ABHD12B: variants seen among roughly 807,000 people sequenced by gnomAD.
ABHD12B encodes the protein abhydrolase domain containing 12B.
In ABHD12B, 42 loss-of-function variants were observed where a neutral mutation model predicts 50.4. The ratio of observed to expected loss-of-function variants is 0.83; its 90% CI spans 0.65 to 1.08. ABHD12B has a LOEUF of 1.08. Ranked by LOEUF, ABHD12B falls within the 50% of genes least tolerant of loss-of-function variation. The pLI is 0.00. For missense variants in ABHD12B, 479 were observed against 447.7 expected (o/e 1.07, Z -0.63); for synonymous variants, 167 against 160.3 (o/e 1.04, Z -0.32).
chr14:50,881,733 T>A (rs1017286340), intron 5 of ABHD12B, 107 bp downstream of exon 5: 6 of 1,372,834 alleles, frequency 4.4e-6, no homozygotes, highest in Non-Finnish European at 6.2e-6. Context: ...GTCTCCAGGG[T>A]ACTGGTCAGG....
intron 7 of ABHD12B, among the ~76,000 whole-genome samples, chr14:50,886,271 T>C (rs569407882): frequency 2.0e-5 from 3 of 151,780 alleles, no homozygotes; most frequent in African/African-American, 7.2e-5. Flanking sequence ...AACCCCATCT[T>C]TACTAAAAAT....
In ABHD12B at chr14:50,885,760, T is replaced by C. The variant is rs752211275; in HGVS notation, c.533-6T>C. 3.7e-6 allele frequency: 6 copies of C among 1,614,076 alleles called. No homozygotes were observed. The highest frequency in any genetic ancestry group is 5.1e-6 in the Non-Finnish European group (6 of 1,180,032). On this transcript the variant is annotated splice_region_variant and splice_polypyrimidine_tract_variant and intron_variant, in intron 6 of 12. Transcript: ENST00000337334. ...TGATACTGTGTTTGCCTTTTCTTGC[T>C]GCCAGGATTTGGGGACTCTACAGGT...
rs373735375 is a variant in ABHD12B, at chr14:50,901,173, C to T, written c.781-656C>T. ...CTTTACTCCTTATTTCCAGATAAAA[C>T]GGATATTTCTAGGGCATATAAACTA... On this transcript the variant is annotated intron_variant, in intron 9 of 12. Transcript: ENST00000337334. 1.5e-4 allele frequency among the ~76,000 whole-genome samples: 23 copies of T among 152,210 alleles called. No individual in the cohort carries two copies. The South Asian group carries it at 4.4e-3, about 29-fold the overall frequency.
At chr14:50,896,053 C>A (rs933464345) in intron 9 of ABHD12B, among the ~76,000 whole-genome samples, 3 of 152,048 alleles carry the variant, frequency 2.0e-5, no homozygotes, top group Non-Finnish European at 4.4e-5. Flanking sequence ...CTTGTATCCC[C>A]CGACCTTAAC....
In ABHD12B at chr14:50,880,459, G is replaced by T. The variant is rs1424349396; in HGVS notation, c.343G>T (p.Val115Phe). 6.2e-7 allele frequency: 1 copy of T among 1,608,102 alleles called. No homozygotes were observed. Among genetic ancestry groups the T allele is most frequent in the East Asian group, 2.2e-5 (1 of 44,504 alleles). The part of the protein sequence containing the change: ...PGVMLGIWHT[V>F]PSCRGEDAKG... ...ACCTCCCTTGCTCTTCAGGCACACAGTCCCCAGCTGCCGGGGGGAAGATGC... is the reference window on the plus strand; with the variant it reads ...ACCTCCCTTGCTCTTCAGGCACACATTCCCCAGCTGCCGGGGGGAAGATGC... The change falls in exon 4 of 13, where the codon GTC becomes TTC. Residue 115 changes from valine (V) to phenylalanine (F), a missense_variant. Transcript: ENST00000337334.
intron 5 of ABHD12B, among the ~76,000 whole-genome samples, chr14:50,884,288 G>A (rs574020039): frequency 4.6e-5 from 7 of 152,298 alleles, no homozygotes; most frequent in Non-Finnish European, 7.4e-5. Context: ...CCTTCAACAC[G>A]TGCTGCAACA....
Position 50,872,094 on chromosome 14 carries a change from C to T in ABHD12B, c.-81C>T. 1.8e-6 allele frequency: 2 copies of T among 1,089,024 alleles called. No homozygotes were observed. Among genetic ancestry groups the T allele is most frequent in the Non-Finnish European group, 2.3e-6 (2 of 868,344 alleles). 67.5% of individuals were successfully genotyped at this position (1,089,024 alleles called of 1,614,324 possible). A position where few individuals can be genotyped will look rare whatever the true frequency, so the allele number is the denominator to read the frequency against. On this transcript the variant is annotated 5_prime_UTR_variant, in exon 1 of 13. Coordinates refer to ENST00000337334, the MANE Select transcript of ABHD12B (RefSeq NM_001206673.2). ...CGGAGGAGGAGGGCGGGCGCGGTGC[C>T]GCCGGGGCGGGAAGGTCGCGGGCGG...
At chr14:50,882,326 A>T (rs1039616144) in intron 5 of ABHD12B, among the ~76,000 whole-genome samples, 5 of 145,362 alleles carry the variant, frequency 3.4e-5, no homozygotes. Context: ...AAAAGAATCA[A>T]CCTTTTTAAT....
intron 2 of ABHD12B, among the ~76,000 whole-genome samples, chr14:50,878,483 G>A (rs2142724030): frequency 6.6e-6 from 1 of 152,304 alleles, no homozygotes; most frequent in South Asian, 2.1e-4. Context: ...TGGAGACAAG[G>A]ATAAGGATTG....
intron 9 of ABHD12B, among the ~76,000 whole-genome samples, chr14:50,899,309 T>C (rs1316593031): frequency 6.6e-6 from 1 of 152,268 alleles, no homozygotes; most frequent in Non-Finnish European, 1.5e-5. Flanking sequence ...ACCTATTTTA[T>C]ACCCATTTCC....
chr14:50,889,709 T>G (rs1231047012), intron 9 of ABHD12B, among the ~76,000 whole-genome samples: 1 of 152,244 alleles, frequency 6.6e-6, no homozygotes, highest in African/African-American at 2.4e-5. Flanking sequence ...AATGCTCAAT[T>G]GTTTAGAGTT....
chr14:50,901,932 C>T (rs764115844), intron 10 of ABHD12B, 21 bp downstream of exon 10: 12 of 1,520,464 alleles, frequency 7.9e-6, no homozygotes, highest in East Asian at 2.3e-5. Context: ...GATGAAAAGA[C>T]ATGCATTATT....
intron 5 of ABHD12B, among the ~76,000 whole-genome samples, chr14:50,883,151 C>T (rs1000040775): frequency 3.9e-5 from 6 of 152,250 alleles, no homozygotes; most frequent in Middle Eastern, 3.4e-3. Context: ...GCCATATCTG[C>T]CTCAGAACTG....
intron 4 of ABHD12B, among the ~76,000 whole-genome samples, chr14:50,881,082 C>T (rs1181026805): frequency 6.6e-6 from 1 of 152,196 alleles, no homozygotes; most frequent in Non-Finnish European, 1.5e-5. Context: ...AATATTCATA[C>T]CTCAGCCCAT....
rs375805491 is a variant in ABHD12B, at chr14:50,881,580, T to TTTA, written c.456-16_456-15insTTA. On this transcript the variant is annotated splice_polypyrimidine_tract_variant and intron_variant, in intron 4 of 12. Transcript: ENST00000337334. ...AATTCTTGCTTTTTTTTTTTTTTTT[T>TTTA]AAACTTCCTTCACAGGGCAGCTTCG... The TTTA allele has an allele frequency of 1.9e-6, 3 of 1,587,664 alleles. No homozygotes were observed. The highest frequency in any genetic ancestry group is 2.3e-5 in the South Asian group (2 of 85,138).
intron 9 of ABHD12B, among the ~76,000 whole-genome samples, chr14:50,899,311 C>G (rs773438417): frequency 1.3e-5 from 2 of 152,212 alleles, no homozygotes; most frequent in Non-Finnish European, 2.9e-5. Context: ...CTATTTTATA[C>G]CCATTTCCTT....
chr14:50,879,242 G>A (rs1256698524), intron 3 of ABHD12B, among the ~76,000 whole-genome samples: 1 of 152,062 alleles, frequency 6.6e-6, no homozygotes. Context: ...ACTTTAATTG[G>A]TAATTTTCAG....
chr14:50,887,792 T>C (rs1020904453), intron 8 of ABHD12B, among the ~76,000 whole-genome samples: 1 of 152,224 alleles, frequency 6.6e-6, no homozygotes, highest in Non-Finnish European at 1.5e-5. Context: ...ACATTACTCC[T>C]AGACTGTAGT....
At position 50,879,678 on chromosome 14, in the gene ABHD12B, A is replaced by G. The variant is rs896127261; in HGVS notation, c.336-774A>G. On this transcript the variant is annotated intron_variant, in intron 3 of 12. Transcript: ENST00000337334. ...TACTCTTCAGGGTACAGTTCACCCA[A>G]ATGTGTTGGAATTTAGAAATCTTTT... Among the ~76,000 whole-genome samples, 3 of 152,284 alleles carry G rather than the reference A, an allele frequency of 2.0e-5. No individual in the cohort carries two copies. In the East Asian group the frequency reaches 5.8e-4, roughly 29 times the overall value.
Sources: gnomAD v4.1 joint callset for allele counts (sites outside exome capture counted in the v4.1 genomes callset) on GRCh38, gnomAD v4.1.1 for gene constraint, MANE v1.5 for transcripts, NCBI Gene and HGNC (gene_info 2026-07-23, HGNC 2026-07-21) for gene names.